ARHGEF28: variants seen among roughly 807,000 people sequenced by gnomAD.
ARHGEF28 encodes Rho guanine nucleotide exchange factor 28.
In ARHGEF28, 152 loss-of-function variants were observed where a neutral mutation model predicts 206.6. The ratio of observed to expected loss-of-function variants is 0.74; its 90% CI spans 0.64 to 0.84. ARHGEF28 has a LOEUF of 0.84. Among genes scored for constraint, ARHGEF28 ranks in the 40% least tolerant of loss-of-function variants. The pLI, the probability that ARHGEF28 is intolerant of heterozygous loss-of-function variation, is 0.00. For missense variants in ARHGEF28, 2,028 were observed against 2,073.2 expected (o/e 0.98, Z 0.42); for synonymous variants, 763 against 776.4 (o/e 0.98, Z 0.29).
chr5:73,856,718 T>C (rs1226269806), intron 14 of ARHGEF28, among the ~76,000 whole-genome samples: 1 of 152,138 alleles, frequency 6.6e-6, no homozygotes, highest in Non-Finnish European at 1.5e-5. Flanking sequence ...TTTTATTGCT[T>C]TTAAATACTT....
intron 2 of ARHGEF28, among the ~76,000 whole-genome samples, chr5:73,732,943 A>T (rs1344868247): frequency 6.6e-6 from 1 of 152,204 alleles, no homozygotes; most frequent in Non-Finnish European, 1.5e-5. Flanking sequence ...GGGAAATTTG[A>T]GAGGAAATAA....
chr5:73,868,297 G>A, intron 20 of ARHGEF28, 70 bp downstream of exon 20: 1 of 1,464,790 alleles, frequency 6.8e-7, no homozygotes, highest in Non-Finnish European at 9.0e-7. Context: ...CTGTCTGAAG[G>A]AAATAAGATT....
At chr5:73,923,125 C>T (rs1397052908) in intron 35 of ARHGEF28, 1 of 1,535,712 alleles carries the variant, frequency 6.5e-7, no homozygotes, top group Non-Finnish European at 8.7e-7. Flanking sequence ...GTTGACATCT[C>T]CCCCGGGACT....
chr5:73,751,271 A>G (rs1752006748), intron 3 of ARHGEF28, among the ~76,000 whole-genome samples: 1 of 152,202 alleles, frequency 6.6e-6, no homozygotes, highest in Non-Finnish European at 1.5e-5. Flanking sequence ...TTAGCTGGGC[A>G]TGGTGGCCGG....
intron 2 of ARHGEF28, among the ~76,000 whole-genome samples, chr5:73,732,804 G>GAA (rs1162582075): frequency 7.8e-6 from 1 of 128,872 alleles, no homozygotes; most frequent in African/African-American, 3.1e-5. Context: ...ATTTTACTAA[G>GAA]AAAAAAGTGG....
At chr5:73,878,671 C>T (rs1476385840) in intron 22 of ARHGEF28, among the ~76,000 whole-genome samples, 1 of 150,596 alleles carries the variant, frequency 6.6e-6, no homozygotes, top group African/African-American at 2.5e-5. Flanking sequence ...TTTTATTTCT[C>T]CTTCACTTAT....
chr5:73,862,291 A>G (rs1759449469), intron 16 of ARHGEF28, among the ~76,000 whole-genome samples: 1 of 152,172 alleles, frequency 6.6e-6, no homozygotes, highest in Non-Finnish European at 1.5e-5. Context: ...TGCCTTTTGC[A>G]TTTAGTTTTA....
At position 73,940,834 on chromosome 5, in the gene ARHGEF28, T is replaced by C; in HGVS notation, c.4949-10T>C. On this transcript the variant is annotated splice_polypyrimidine_tract_variant and intron_variant, in intron 35 of 35. Transcript: ENST00000513042. ...GGCCTCCTGTAACCTGTGCTGTCTG[T>C]TTCTTGCAGATTTGGACACCTCCCA... is the stretch of plus-strand genomic sequence containing the variant. The C allele has an allele frequency of 6.8e-7, 1 of 1,479,590 alleles. No homozygotes were observed. The highest frequency in any genetic ancestry group is 1.4e-5 in the South Asian group (1 of 73,090). 91.7% of individuals were successfully genotyped at this position (1,479,590 alleles called of 1,614,324 possible). A position where few individuals can be genotyped will look rare whatever the true frequency, so the allele number is the denominator to read the frequency against.
rs1742601868 is a variant in ARHGEF28 at position 73,941,270 on chromosome 5, T to C, written c.*257T>C. 3 of 197,248 alleles carry C rather than the reference T, an allele frequency of 1.5e-5. No individual in the cohort carries two copies. In the South Asian group the frequency reaches 5.0e-4, roughly 33 times the overall value. The allele number at this position is 197,248 out of a possible 1,614,324, so 12.2% of individuals were successfully genotyped here. A position where few individuals can be genotyped will look rare whatever the true frequency, so the allele number is the denominator to read the frequency against. On this transcript the variant is annotated 3_prime_UTR_variant, in exon 36 of 36. Coordinates refer to ENST00000513042, the MANE Select transcript of ARHGEF28 (RefSeq NM_001177693.2). Reference sequence around the variant, plus strand: ...ACTAACTTGAATAAGCAGGACTATTTTAAAAGTTGTTTTGACGCTAGAGTA... The same window carrying C: ...ACTAACTTGAATAAGCAGGACTATTCTAAAAGTTGTTTTGACGCTAGAGTA...
intron 1 of ARHGEF28, among the ~76,000 whole-genome samples, chr5:73,676,794 T>A (rs6876767): frequency 1.2e-3 from 189 of 152,246 alleles, no homozygotes; most frequent in African/African-American, 4.5e-3. Context: ...AAAAAGTGAG[T>A]CTTTTTCCCT....
At chr5:73,806,449 AT>A (rs1251211785) in intron 9 of ARHGEF28, among the ~76,000 whole-genome samples, 3 of 128,672 alleles carry the variant, frequency 2.3e-5, no homozygotes, top group East Asian at 4.5e-4. Flanking sequence ...TATAGTATAT[AT>A]CTATATATAG....
chr5:73,860,683 C>G (rs1759341721), intron 16 of ARHGEF28, among the ~76,000 whole-genome samples: 2 of 152,188 alleles, frequency 1.3e-5, no homozygotes, highest in Non-Finnish European at 2.9e-5. Context: ...CAGGTATGTT[C>G]ATCTACAAGT....
intron 25 of ARHGEF28, 134 bp from the exon 26 acceptor site, chr5:73,887,468 TA>T: frequency 1.6e-6 from 1 of 643,344 alleles, no homozygotes; most frequent in Non-Finnish European, 2.6e-6. Flanking sequence ...TAATAGCATA[TA>T]TCTTTGGCTA....
rs938300814 is a variant in ARHGEF28, at chr5:73,712,717, T to C, written c.33+27833T>C. 4.6e-4 allele frequency among the ~76,000 whole-genome samples: 70 copies of C among 152,240 alleles called. 1 individual carries two copies. The highest frequency in any genetic ancestry group is 1.6e-4 in the Non-Finnish European group (11 of 68,046). ...CGAAATTATCAGCATGCTTCTATTA[T>C]ACACAGAACAATAGAAAAGTCCTCA... On this transcript the variant is annotated intron_variant, in intron 2 of 35. Transcript: ENST00000513042.
At chr5:73,858,857 G>T (rs972244765) in intron 16 of ARHGEF28, among the ~76,000 whole-genome samples, 1 of 152,164 alleles carries the variant, frequency 6.6e-6, no homozygotes, top group African/African-American at 2.4e-5. Flanking sequence ...GTCCTTAAGT[G>T]CTTACAATGA....
At chr5:73,803,810 G>A (rs1755276946) in intron 9 of ARHGEF28, among the ~76,000 whole-genome samples, 1 of 151,106 alleles carries the variant, frequency 6.6e-6, no homozygotes, top group African/African-American at 2.5e-5. Context: ...AGTTGGGCTG[G>A]GTGCAGTGCC....
intron 33 of ARHGEF28, 98 bp downstream of exon 33, chr5:73,904,503 G>A (rs1276087516): frequency 7.0e-6 from 9 of 1,284,876 alleles, no homozygotes; most frequent in Non-Finnish European, 1.1e-6. Flanking sequence ...CAAGTGAGAG[G>A]TAGGGAATGA....
chr5:73,746,787 C>T (rs975991333), intron 2 of ARHGEF28, among the ~76,000 whole-genome samples: 15 of 152,068 alleles, frequency 9.9e-5, no homozygotes, highest in Non-Finnish European at 1.5e-5. Flanking sequence ...CATGTGTCTG[C>T]CTCGGACTTT....
At chr5:73,757,456 T>C (rs1354492524) in intron 4 of ARHGEF28, among the ~76,000 whole-genome samples, 1 of 152,232 alleles carries the variant, frequency 6.6e-6, no homozygotes, top group Non-Finnish European at 1.5e-5. Context: ...GGAAGAGTGA[T>C]CAAAACCCTG....
Sources: allele counts gnomAD v4.1 joint callset (sites outside exome capture counted in the v4.1 genomes callset), GRCh38; gene constraint gnomAD v4.1.1; transcripts MANE v1.5; gene names NCBI Gene and HGNC (gene_info 2026-07-23, HGNC 2026-07-21).